KIF3B: variants seen among roughly 807,000 people sequenced by gnomAD.
KIF3B encodes the protein kinesin family member 3B.
A neutral mutation model predicts 74.3 loss-of-function variants in KIF3B; 38 were observed. The ratio of observed to expected loss-of-function variants is 0.51; its 90% confidence interval spans 0.39 to 0.67. The LOEUF is 0.67. Among genes scored for constraint, KIF3B ranks in the 30% least tolerant of loss-of-function variants. KIF3B has a pLI of 0.00. For missense variants in KIF3B, 649 were observed against 932.0 expected, an observed-to-expected ratio of 0.70 and a Z score of 3.95; for synonymous variants, 326 against 342.5, an observed-to-expected ratio of 0.95 and a Z score of 0.53.
chr20:32,311,765 C>T (rs2047801428), intron 2 of KIF3B, among the ~76,000 whole-genome samples: 1 of 151,686 alleles, frequency 6.6e-6, no homozygotes, highest in Non-Finnish European at 1.5e-5. Flanking sequence ...CACGTACCCC[C>T]CCACCCAGTG....
At chr20:32,312,742 T>A (rs1335330170) in intron 2 of KIF3B, among the ~76,000 whole-genome samples, 6 of 152,228 alleles carry the variant, frequency 3.9e-5, no homozygotes, top group African/African-American at 1.4e-4. Flanking sequence ...CTGTGAATGC[T>A]CTTGTGCTTG....
At chr20:32,307,303 G>A (rs1301326203) in intron 1 of KIF3B, among the ~76,000 whole-genome samples, 1 of 152,114 alleles carries the variant, frequency 6.6e-6, no homozygotes, top group Non-Finnish European at 1.5e-5. Flanking sequence ...AAACTATACT[G>A]TACACACTGT....
intron 5 of KIF3B, among the ~76,000 whole-genome samples, chr20:32,323,482 C>A (rs1269342735): frequency 6.6e-6 from 1 of 151,542 alleles, no homozygotes; most frequent in Non-Finnish European, 1.5e-5. Flanking sequence ...TCACTGCAAA[C>A]TCTGCCTCCC....
At position 32,306,820 on chromosome 20, in the gene KIF3B, C is replaced by T. The variant is rs199674523; in HGVS notation, c.-65-2893C>T. Among the ~76,000 whole-genome samples the T allele has an allele frequency of 9.2e-5, 14 of 152,106 alleles. No homozygotes were observed. In the East Asian group the frequency reaches 1.6e-3, roughly 17 times the overall value. On this transcript the variant is annotated intron_variant, in intron 1 of 8. Transcript: ENST00000375712. ...ATGTTGGCCCAGATGGTCTTGATCT[C>T]TTGACCTTGTGATCCACCTACCTCA... is the stretch of plus-strand genomic sequence containing the variant.
At chr20:32,319,161 A>G (rs764566984) in intron 5 of KIF3B, among the ~76,000 whole-genome samples, 2 of 151,646 alleles carry the variant, frequency 1.3e-5, no homozygotes, top group Non-Finnish European at 2.9e-5. Context: ...GGGTTTCACC[A>G]TGTTGCCTAG....
Position 32,331,363 on chromosome 20 carries a change from T to C in KIF3B, c.*44T>C, listed in dbSNP as rs1300922683. On this transcript the variant is annotated 3_prime_UTR_variant, in exon 9 of 9. Coordinates refer to ENST00000375712, the MANE Select transcript of KIF3B (RefSeq NM_004798.4). ...CAGGGCGGAAACAGCATTTGCCTTCTGAGAGAAGAGACTAGCAAAAAGCTG... is the reference window on the plus strand; with the variant it reads ...CAGGGCGGAAACAGCATTTGCCTTCCGAGAGAAGAGACTAGCAAAAAGCTG... The C allele has an allele frequency of 6.7e-7, 1 of 1,494,508 alleles. No individual in the cohort carries two copies. The highest frequency in any genetic ancestry group is 9.2e-7 in the Non-Finnish European group (1 of 1,082,672). The allele number at this position is 1,494,508 out of a possible 1,614,324, so 92.6% of individuals were successfully genotyped here.
chr20:32,326,834 C>A lies in KIF3B; in HGVS notation c.1812C>A (p.Phe604Leu). 1 of 1,595,400 alleles carries A rather than the reference C, an allele frequency of 6.3e-7. No individual in the cohort carries two copies. The highest frequency in any genetic ancestry group is 8.6e-7 in the Non-Finnish European group (1 of 1,165,224). ...EEKSKIMNRA[F>L]FDEEEDHWKL... ...AAAGTAAAATTATGAATAGAGCCTT[C>A]TTTGATGAAGAGGAAGATCATTGGA... is the stretch of plus-strand genomic sequence containing the variant. Residue 604 changes from phenylalanine to leucine, a missense_variant, in exon 6 of 9, where the codon TTC (phenylalanine) becomes TTA (leucine). Transcript: ENST00000375712.
At chr20:32,317,987 C>A (rs1447032140) in intron 5 of KIF3B, among the ~76,000 whole-genome samples, 1 of 152,080 alleles carries the variant, frequency 6.6e-6, no homozygotes, top group East Asian at 1.9e-4. Context: ...ACTTCACATA[C>A]CATACAATTC....
intron 1 of KIF3B, among the ~76,000 whole-genome samples, chr20:32,279,052 T>G (rs909804215): frequency 6.6e-6 from 1 of 150,976 alleles, no homozygotes; most frequent in Non-Finnish European, 1.5e-5. Context: ...GCCTCCCGAG[T>G]AGCTGGGACT....
rs543058789 is a variant in KIF3B, at chr20:32,316,359, A to G, written c.1506+40A>G. 5.2e-6 allele frequency: 8 copies of G among 1,539,424 alleles called. No individual in the cohort carries two copies. In the Admixed American group the frequency reaches 1.0e-4, roughly 19 times the overall value. ...TTTTTCAGGGAGAATGGGTGAGGTAAGGTGTGTTTATGCTGCAGAGCAAAC... is the reference window on the plus strand; with the variant it reads ...TTTTTCAGGGAGAATGGGTGAGGTAGGGTGTGTTTATGCTGCAGAGCAAAC... On this transcript the variant is annotated intron_variant, in intron 3 of 8. Transcript: ENST00000375712.
rs747418174 is a variant in KIF3B, at chr20:32,310,687, T to A, written c.910T>A (p.Ser304Thr). The change falls in exon 2 of 9, where the codon TCC (serine) becomes ACC (threonine). Residue 304 changes from serine (S) to threonine (T), a missense_variant. By Grantham distance (58) the Ser-to-Thr change is moderately conservative. Transcript: ENST00000375712. The surrounding 1 kb of genome is among the most constrained non-coding windows in gnomAD (Gnocchi z 6.5). ...DSKLTRLLQD[S>T]LGGNAKTVMV... ...AAAGCTTACCAGGCTCCTCCAAGAT[T>A]CCCTTGGTGGCAATGCCAAGACTGT... The A allele has an allele frequency of 1.9e-6, 3 of 1,614,124 alleles. No homozygotes were observed. Among genetic ancestry groups the A allele is most frequent in the Non-Finnish European group, 2.5e-6 (3 of 1,180,012 alleles).
At chr20:32,322,950 T>TTA (rs377226990) in intron 5 of KIF3B, among the ~76,000 whole-genome samples, 1 of 38,172 alleles carries the variant, frequency 2.6e-5, no homozygotes, top group Non-Finnish European at 3.6e-5. Context: ...ATATACATAT[T>TTA]TATATATATA....
chr20:32,318,927 A>G (rs2047842242), intron 5 of KIF3B, among the ~76,000 whole-genome samples: 1 of 149,216 alleles, frequency 6.7e-6, no homozygotes, highest in African/African-American at 2.5e-5. Flanking sequence ...TGGCTGCACT[A>G]TTTTACATTT....
intron 1 of KIF3B, among the ~76,000 whole-genome samples, chr20:32,299,621 A>G (rs2047733946): frequency 6.6e-6 from 1 of 151,400 alleles, no homozygotes; most frequent in Non-Finnish European, 1.5e-5. Context: ...CATGTTGGCC[A>G]GGGTGGTTTC....
At chr20:32,281,607 T>C (rs1233146815) in intron 1 of KIF3B, among the ~76,000 whole-genome samples, 3 of 152,076 alleles carry the variant, frequency 2.0e-5, no homozygotes, top group African/African-American at 7.2e-5. Context: ...GTCCCAGCTA[T>C]TCAGGAGGCT....
intron 5 of KIF3B, among the ~76,000 whole-genome samples, chr20:32,322,618 T>A (rs1269267097): frequency 5.3e-5 from 6 of 114,116 alleles, no homozygotes; most frequent in Admixed American, 2.4e-4. Context: ...AAAAAAAAAA[T>A]TTTATATATT....
intron 1 of KIF3B, among the ~76,000 whole-genome samples, chr20:32,289,536 T>C (rs553798551): frequency 6.6e-6 from 1 of 152,256 alleles, no homozygotes; most frequent in East Asian, 1.9e-4. Context: ...TTCAAACCAA[T>C]GGTGATCAAG....
chr20:32,288,555 A>T (rs2047677607), intron 1 of KIF3B, among the ~76,000 whole-genome samples: 1 of 152,142 alleles, frequency 6.6e-6, no homozygotes. Context: ...TTGATGTAGT[A>T]GTTTTTCTCA....
intron 1 of KIF3B, among the ~76,000 whole-genome samples, chr20:32,307,298 ATACTG>A (rs1438063127): frequency 1.3e-5 from 2 of 152,336 alleles, no homozygotes; most frequent in African/African-American, 4.8e-5. Context: ...TATGTAAACT[ATACTG>A]TACACACTGT....
Sources: gnomAD v4.1 joint callset for allele counts (sites outside exome capture counted in the v4.1 genomes callset) on GRCh38, gnomAD v4.1.1 for gene constraint, Gnocchi (gnomAD v3.1) non-coding constraint, MANE v1.5 for transcripts, NCBI Gene and HGNC (gene_info 2026-07-23, HGNC 2026-07-21) for gene names.